Variants in DIP2C observed in about 807,000 individuals in gnomAD.
The protein encoded by DIP2C is DIP2 acetate--CoA ligase C (putative), also known as disco-interacting protein 2 homolog C.
Under a neutral mutation model 192.4 loss-of-function variants are expected in DIP2C, and 33 were observed. The observed-to-expected ratio is 0.17, with a 90% confidence interval of 0.13 to 0.23. DIP2C has a LOEUF of 0.23. Ranked by LOEUF, DIP2C falls within the 10% of genes least tolerant of loss-of-function variation. The pLI, the probability that DIP2C is intolerant of heterozygous loss-of-function variation, is 1.00. For synonymous variants in DIP2C, 979 were observed against 864.1 expected, an observed-to-expected ratio of 1.13 and a Z score of -2.33; for missense variants, 1,537 against 2,110.1, an observed-to-expected ratio of 0.73 and a Z score of 5.32.
chr10:448,421 T>C (rs1328001320), intron 3 of DIP2C, among the ~76,000 whole-genome samples: 1 of 137,998 alleles, frequency 7.2e-6, no homozygotes. Flanking sequence ...CTCACCCCTG[T>C]CGATAATCAG....
intron 32 of DIP2C, among the ~76,000 whole-genome samples, chr10:294,751 T>C (rs1955667355): frequency 6.6e-6 from 1 of 152,110 alleles, no homozygotes; most frequent in Non-Finnish European, 1.5e-5. Flanking sequence ...AACTCCTTCG[T>C]TTTTAAAAAA....
chr10:617,918 C>T (rs1853584270), intron 1 of DIP2C, among the ~76,000 whole-genome samples: 1 of 152,072 alleles, frequency 6.6e-6, no homozygotes, highest in Non-Finnish European at 1.5e-5. Context: ...CAGAAATCCA[C>T]TTTGACTTCC....
intron 8 of DIP2C, among the ~76,000 whole-genome samples, chr10:411,412 G>C (rs895907172): frequency 1.3e-5 from 2 of 152,162 alleles, no homozygotes; most frequent in African/African-American, 4.8e-5. Flanking sequence ...ACAGAATGAT[G>C]TTTTACAAGT....
intron 5 of DIP2C, among the ~76,000 whole-genome samples, chr10:419,755 G>T (rs1158632590): frequency 6.6e-6 from 1 of 152,136 alleles, no homozygotes; most frequent in African/African-American, 2.4e-5. Context: ...GAGACATCAA[G>T]AACTATTATT....
At chr10:487,586 T>TTG (rs1844116455) in intron 1 of DIP2C, among the ~76,000 whole-genome samples, 2 of 138,956 alleles carry the variant, frequency 1.4e-5, no homozygotes, top group African/African-American at 5.4e-5. Context: ...TTTTTTTTTT[T>TTG]TTTTTTTTTT....
At chr10:375,846 T>A (rs1314240083) in intron 17 of DIP2C, among the ~76,000 whole-genome samples, 1 of 144,304 alleles carries the variant, frequency 6.9e-6, no homozygotes, top group Non-Finnish European at 1.5e-5. Context: ...CTGAATCCCT[T>A]AAGCAAGTGA....
chr10:577,443 T>G (rs1201578204), intron 1 of DIP2C, among the ~76,000 whole-genome samples: 1 of 152,264 alleles, frequency 6.6e-6, no homozygotes, highest in East Asian at 1.9e-4. Context: ...GTGTACTTTC[T>G]CATGCTAAGC....
At chr10:667,548 C>CTG (rs1324488478) in intron 1 of DIP2C, 1 of 152,260 alleles carries the variant, frequency 6.6e-6, no homozygotes. Flanking sequence ...ACTGACAACA[C>CTG]ACAACACACA....
intron 1 of DIP2C, among the ~76,000 whole-genome samples, chr10:605,833 G>C (rs1049815292): frequency 6.6e-6 from 1 of 152,208 alleles, no homozygotes; most frequent in Non-Finnish European, 1.5e-5. Context: ...AGGAGGAAGC[G>C]TCCTCCAAAC....
intron 29 of DIP2C, 194 bp downstream of exon 29, chr10:341,005 A>C (rs1391161667): frequency 1.3e-6 from 1 of 769,978 alleles, no homozygotes. Flanking sequence ...GCAGAAAGTC[A>C]AAGTCACCCC....
At position 512,922 on chromosome 10, in the gene DIP2C, G is replaced by GAAAA. The variant is rs60269783; in HGVS notation, c.86-26396_86-26393dup. Among the ~76,000 whole-genome samples the GAAAA allele has an allele frequency of 7.8e-3, 721 of 92,100 alleles. 10 individuals are homozygous for GAAAA. The highest frequency in any genetic ancestry group is 0.014 in the African/African-American group (316 of 22,912). 60.4% of individuals were successfully genotyped at this position (92,100 alleles called of 152,430 possible). On this transcript the variant is annotated intron_variant, in intron 1 of 36. Transcript: ENST00000280886. ...TGACAACAGCGAGACCCCACTTCAG[G>GAAAA]AAAAAAAAAAAAAAAAAAAAAAGGG...
chr10:341,362 G>A, intron 28 of DIP2C, 33 bp from the exon 29 acceptor site: 1 of 1,612,016 alleles, frequency 6.2e-7, no homozygotes, highest in Admixed American at 1.7e-5. Context: ...AAACGCATCG[G>A]ACCTGACACC....
At chr10:447,874 A>T (rs12779781) in intron 3 of DIP2C, among the ~76,000 whole-genome samples, 1 of 76,746 alleles carries the variant, frequency 1.3e-5, no homozygotes, top group Admixed American at 1.5e-4. Context: ...CATTCCCATT[A>T]ATAATCAGGA....
At position 550,117 on chromosome 10, in the gene DIP2C, C is replaced by A. The variant is rs537067199; in HGVS notation, c.86-63587G>T. ...CTCTGCCTCTCGGGTTCAAGTAATT[C>A]TCCTGCCTTGGCATCCTGAGTAGCT... On this transcript the variant is annotated intron_variant, in intron 1 of 36. Transcript: ENST00000280886. Among the ~76,000 whole-genome samples, 302 of 149,912 alleles carry A rather than the reference C, an allele frequency of 2.0e-3. 2 individuals carry two copies. Among genetic ancestry groups the A allele is most frequent in the Middle Eastern group, 0.01 (3 of 290 alleles).
At chr10:583,788 GCT>G (rs938565310) in intron 1 of DIP2C, among the ~76,000 whole-genome samples, 9 of 152,102 alleles carry the variant, frequency 5.9e-5, no homozygotes, top group South Asian at 2.1e-4. Flanking sequence ...CCACCCGATC[GCT>G]CCAAAACAAA....
intron 7 of DIP2C, among the ~76,000 whole-genome samples, chr10:414,904 ATAT>A (rs1394233697): frequency 0.027 from 2,068 of 77,746 alleles, 84 homozygotes; most frequent in African/African-American, 0.04. Context: ...ATATATATAT[ATAT>A]TTTTTTTTTT....
intron 2 of DIP2C, among the ~76,000 whole-genome samples, chr10:480,737 A>C (rs1353460481): frequency 1.3e-5 from 2 of 152,242 alleles, no homozygotes; most frequent in African/African-American, 4.8e-5. Flanking sequence ...AGACCAGGAA[A>C]TAAACGTACG....
intron 30 of DIP2C, among the ~76,000 whole-genome samples, chr10:328,108 C>A (rs1023278084): frequency 6.6e-6 from 1 of 152,188 alleles, no homozygotes; most frequent in South Asian, 2.1e-4. Context: ...AGCCTCGGCA[C>A]ACGGACAACC....
intron 3 of DIP2C, among the ~76,000 whole-genome samples, chr10:447,943 A>C (rs937660975): frequency 2.5e-5 from 3 of 121,806 alleles, no homozygotes; most frequent in Non-Finnish European, 4.7e-5. Flanking sequence ...GATCACACAC[A>C]GTGGGGCAGC....
Sources: gnomAD v4.1 joint callset for allele counts (sites outside exome capture counted in the v4.1 genomes callset) on GRCh38, gnomAD v4.1.1 for gene constraint, MANE v1.5 for transcripts, NCBI Gene and HGNC (gene_info 2026-07-23, HGNC 2026-07-21) for gene names.